RASAL2: variants seen among roughly 807,000 people sequenced by gnomAD.
The protein encoded by RASAL2 is ras GTPase-activating protein nGAP.
Under a neutral mutation model 128.9 loss-of-function variants are expected in RASAL2, and 58 were observed. The observed-to-expected ratio is 0.45, with a 90% CI of 0.36 to 0.56. The LOEUF (loss-of-function observed/expected upper bound fraction) is 0.56. Among genes scored for constraint, RASAL2 ranks in the 20% least tolerant of loss-of-function variants. RASAL2 has a pLI of 0.00. For missense variants in RASAL2, 1,360 were observed against 1,601.6 expected, an observed-to-expected ratio of 0.85 and a Z score of 2.57; for synonymous variants, 561 against 580.8, an observed-to-expected ratio of 0.97 and a Z score of 0.49.
intron 4 of RASAL2, among the ~76,000 whole-genome samples, chr1:178,391,989 G>A (rs1182374481): frequency 6.6e-6 from 1 of 152,126 alleles, no homozygotes; most frequent in Non-Finnish European, 1.5e-5. Flanking sequence ...GACTAACTGA[G>A]AGCAGATAAA....
chr1:178,153,620 G>A (rs1660983478), intron 1 of RASAL2, among the ~76,000 whole-genome samples: 1 of 152,096 alleles, frequency 6.6e-6, no homozygotes, highest in Non-Finnish European at 1.5e-5. Context: ...GTTCATCCAT[G>A]TTGTAGCAAT....
intron 1 of RASAL2, among the ~76,000 whole-genome samples, chr1:178,123,402 G>T (rs1292104658): frequency 6.6e-6 from 1 of 152,156 alleles, no homozygotes. Context: ...TTTCTCCTGA[G>T]GACGAAACTT....
chr1:178,404,895 T>C (rs911783458), intron 4 of RASAL2, among the ~76,000 whole-genome samples: 3 of 152,028 alleles, frequency 2.0e-5, no homozygotes, highest in African/African-American at 7.2e-5. Context: ...TTGGCCAGGC[T>C]GGTTTCATAC....
intron 1 of RASAL2, among the ~76,000 whole-genome samples, chr1:178,242,428 TCTCTCTCTCTCTC>T (rs1664543994): frequency 5.9e-4 from 1 of 1,706 alleles, no homozygotes; most frequent in Non-Finnish European, 1.6e-3. Flanking sequence ...ATTCATTCTC[TCTCTCTCTCTCTC>T]TCTCTCTCTC....
chr1:178,124,902 G>A (rs916089567), intron 1 of RASAL2, among the ~76,000 whole-genome samples: 18 of 152,082 alleles, frequency 1.2e-4, no homozygotes, highest in African/African-American at 4.3e-4. Flanking sequence ...GTATTTCAGT[G>A]GTAGAATTTC....
At chr1:178,340,199 T>A (rs1669793110) in intron 3 of RASAL2, among the ~76,000 whole-genome samples, 1 of 152,176 alleles carries the variant, frequency 6.6e-6, no homozygotes. Context: ...GGTAGATAGA[T>A]GATAGATACA....
intron 9 of RASAL2, among the ~76,000 whole-genome samples, chr1:178,449,238 A>G (rs532231746): frequency 6.6e-6 from 1 of 152,266 alleles, no homozygotes; most frequent in Admixed American, 6.5e-5. Context: ...TGCATTGTTT[A>G]GACTTGAATC....
intron 12 of RASAL2, among the ~76,000 whole-genome samples, chr1:178,454,944 T>G (rs1558003744): frequency 6.6e-6 from 1 of 152,110 alleles, no homozygotes; most frequent in East Asian, 1.9e-4. Flanking sequence ...ACTAATATAT[T>G]GGTATATACA....
rs760121234 is a variant in RASAL2 at position 178,299,978 on chromosome 1, T to C, written c.331-14T>C. 5.6e-6 allele frequency: 9 copies of C among 1,610,184 alleles called. No homozygotes were observed. Among genetic ancestry groups the C allele is most frequent in the South Asian group, 1.1e-5 (1 of 90,386 alleles). ...TTCACTATTAAGTTTTATCTTTTGC[T>C]TTTGATTAACTAGATACCTGTGGAA... On this transcript the variant is annotated splice_polypyrimidine_tract_variant and intron_variant, in intron 2 of 17. Coordinates refer to ENST00000367649, the MANE Select transcript of RASAL2 (RefSeq NM_170692.4).
intron 1 of RASAL2, among the ~76,000 whole-genome samples, chr1:178,265,129 G>C (rs547852059): frequency 6.6e-6 from 1 of 152,306 alleles, no homozygotes; most frequent in East Asian, 1.9e-4. Flanking sequence ...GTAATACATG[G>C]AAGATTTGAA....
chr1:178,435,744 A>G (rs1251080550), intron 5 of RASAL2, among the ~76,000 whole-genome samples: 1 of 152,074 alleles, frequency 6.6e-6, no homozygotes, highest in Non-Finnish European at 1.5e-5. Context: ...GCAGTTTTTT[A>G]TTTAAATCAA....
chr1:178,199,187 C>A (rs1258662096), intron 1 of RASAL2, among the ~76,000 whole-genome samples: 1 of 152,188 alleles, frequency 6.6e-6, no homozygotes, highest in Non-Finnish European at 1.5e-5. Context: ...GGCAGTGTCC[C>A]GATTTCCTAG....
intron 1 of RASAL2, among the ~76,000 whole-genome samples, chr1:178,244,114 G>T (rs1664651679): frequency 6.6e-6 from 1 of 152,138 alleles, no homozygotes; most frequent in African/African-American, 2.4e-5. Context: ...CAGTCAGTTT[G>T]CACTTATACA....
intron 10 of RASAL2, 74 bp downstream of exon 10, chr1:178,451,789 G>C: frequency 6.7e-7 from 1 of 1,490,206 alleles, no homozygotes; most frequent in Non-Finnish European, 9.0e-7. Flanking sequence ...ATTTTTTCAT[G>C]TAAAAGTCAT....
chr1:178,095,450 C>T (rs1163242004), intron 1 of RASAL2, among the ~76,000 whole-genome samples: 1 of 152,202 alleles, frequency 6.6e-6, no homozygotes, highest in African/African-American at 2.4e-5. Flanking sequence ...TATAGCCTGG[C>T]ATTCAGGACT....
intron 2 of RASAL2, among the ~76,000 whole-genome samples, chr1:178,296,484 CG>C (rs2102257431): frequency 6.6e-6 from 1 of 152,070 alleles, no homozygotes; most frequent in East Asian, 1.9e-4. Context: ...CTCAGCCTCC[CG>C]AGTAGCTGGG....
chr1:178,369,159 ATTTTCT>A lies in RASAL2; in HGVS notation c.458-20936_458-20931del, dbSNP rs1191196262. 6.6e-5 allele frequency among the ~76,000 whole-genome samples: 10 copies of A among 151,852 alleles called. No homozygotes were observed. The East Asian group carries it at 1.7e-3, about 27-fold the overall frequency. ...TCTAGAACTTTTTCTTGGGTGCCTC[ATTTTCT>A]TTTTTCTTTTTTTGATATGGGGTCT... is the stretch of plus-strand genomic sequence containing the variant. On this transcript the variant is annotated intron_variant, in intron 3 of 17. Coordinates refer to ENST00000367649, the MANE Select transcript of RASAL2 (RefSeq NM_170692.4).
chr1:178,452,751 C>G, intron 11 of RASAL2, 99 bp downstream of exon 11: 1 of 910,586 alleles, frequency 1.1e-6, no homozygotes, highest in Non-Finnish European at 1.7e-6. Flanking sequence ...CTCATGTTAC[C>G]AGATTTTCAC....
intron 4 of RASAL2, among the ~76,000 whole-genome samples, chr1:178,394,244 A>T (rs1673081857): frequency 6.6e-6 from 1 of 152,154 alleles, no homozygotes; most frequent in Admixed American, 6.5e-5. Flanking sequence ...AACTTTAGTC[A>T]TTTGACATTT....
Sources: gnomAD v4.1 joint callset for allele counts (sites outside exome capture counted in the v4.1 genomes callset) on GRCh38, gnomAD v4.1.1 for gene constraint, MANE v1.5 for transcripts, NCBI Gene and HGNC (gene_info 2026-07-23, HGNC 2026-07-21) for gene names.